NCOA1: variants seen among roughly 807,000 people sequenced by gnomAD.
The protein encoded by NCOA1 is Hin-2 protein.
A neutral mutation model predicts 150.9 loss-of-function variants in NCOA1; 35 were observed. The observed-to-expected ratio is 0.23, with a 90% CI of 0.18 to 0.31. The LOEUF is 0.31. Among genes scored for constraint, NCOA1 ranks in the 10% least tolerant of loss-of-function variants. NCOA1 has a pLI of 1.00. For missense variants in NCOA1, 1,491 were observed against 1,749.3 expected (o/e 0.85, Z 2.63); for synonymous variants, 590 against 630.0 (o/e 0.94, Z 0.95).
intron 5 of NCOA1, among the ~76,000 whole-genome samples, chr2:24,662,767 G>A (rs1671241181): frequency 6.6e-6 from 1 of 151,810 alleles, no homozygotes; most frequent in Non-Finnish European, 1.5e-5. Context: ...GTAAATGACA[G>A]GAAGTTTGGG....
At chr2:24,692,428 A>G (rs980029355) in intron 9 of NCOA1, among the ~76,000 whole-genome samples, 1 of 152,216 alleles carries the variant, frequency 6.6e-6, no homozygotes, top group Non-Finnish European at 1.5e-5. Flanking sequence ...TCAAAACAAA[A>G]CTTGGGAATG....
chr2:24,622,077 T>G (rs1669193016), intron 3 of NCOA1, among the ~76,000 whole-genome samples: 1 of 152,190 alleles, frequency 6.6e-6, no homozygotes, highest in Admixed American at 6.5e-5. Flanking sequence ...AAATAGATGA[T>G]GAACATAGGA....
intron 2 of NCOA1, among the ~76,000 whole-genome samples, chr2:24,574,879 A>G (rs953604000): frequency 1.3e-5 from 2 of 152,064 alleles, no homozygotes; most frequent in South Asian, 2.1e-4. Context: ...TCTGTACACA[A>G]TCTTTTTTCC....
At chr2:24,739,363 T>C in intron 17 of NCOA1, 69 bp from the exon 18 acceptor site, 2 of 1,093,898 alleles carry the variant, frequency 1.8e-6, no homozygotes, top group Non-Finnish European at 2.8e-6. Flanking sequence ...AGAAAGTTTG[T>C]GTTACTTTAT....
At chr2:24,763,082 T>C (rs942250305) in intron 22 of NCOA1, among the ~76,000 whole-genome samples, 12 of 152,272 alleles carry the variant, frequency 7.9e-5, no homozygotes, top group Admixed American at 5.9e-4. Context: ...AATTGTTATT[T>C]TGTAAATAAG....
At chr2:24,639,716 A>G (rs1049878864) in intron 3 of NCOA1, among the ~76,000 whole-genome samples, 1 of 151,218 alleles carries the variant, frequency 6.6e-6, no homozygotes, top group Non-Finnish European at 1.5e-5. Context: ...ATGAAACCCC[A>G]TCTCTACTAA....
At chr2:24,679,604 ATC>A (rs1361067128) in intron 7 of NCOA1, among the ~76,000 whole-genome samples, 7 of 152,312 alleles carry the variant, frequency 4.6e-5, no homozygotes, top group African/African-American at 1.4e-4. Flanking sequence ...TGAAAAATAA[ATC>A]TGTTTTTAAA....
chr2:24,681,994 G>C lies in NCOA1; in HGVS notation c.355-957G>C, dbSNP rs1040835749. The stretch of plus-strand genomic sequence containing the variant: ...CTCCCAAAATGCTGGGATTACAGGC[G>C]TGAGACACTGCGCCCGGCCCCGTGG... On this transcript the variant is annotated intron_variant, in intron 7 of 22. Coordinates refer to ENST00000348332, the MANE Select transcript of NCOA1 (RefSeq NM_003743.5). Among the ~76,000 whole-genome samples, 10 of 152,308 alleles carry C rather than the reference G, an allele frequency of 6.6e-5. No individual in the cohort carries two copies. The South Asian group carries it at 2.1e-3, about 32-fold the overall frequency.
chr2:24,735,886 A>G (rs983025519), intron 17 of NCOA1, among the ~76,000 whole-genome samples: 3 of 152,178 alleles, frequency 2.0e-5, no homozygotes, highest in Admixed American at 2.0e-4. Context: ...ATTTTGGGAA[A>G]AAGAACAACA....
intron 16 of NCOA1, 56 bp from the exon 17 acceptor site, chr2:24,729,445 A>G: frequency 6.8e-7 from 1 of 1,473,448 alleles, no homozygotes; most frequent in Admixed American, 1.8e-5. Context: ...ATACGGAAGC[A>G]TGTTACTTAT....
intron 3 of NCOA1, among the ~76,000 whole-genome samples, chr2:24,598,695 A>G (rs1184957323): frequency 6.6e-6 from 1 of 152,164 alleles, no homozygotes; most frequent in Non-Finnish European, 1.5e-5. Context: ...AACAAAAACA[A>G]AAAACTTCTA....
intron 1 of NCOA1, among the ~76,000 whole-genome samples, chr2:24,513,867 G>A (rs898776644): frequency 7.9e-5 from 12 of 152,076 alleles, no homozygotes; most frequent in African/African-American, 2.7e-4. Flanking sequence ...AGGAGGACTT[G>A]GTATGTGTAG....
At chr2:24,614,795 TTAAA>T (rs945695813) in intron 3 of NCOA1, among the ~76,000 whole-genome samples, 3 of 152,230 alleles carry the variant, frequency 2.0e-5, no homozygotes, top group African/African-American at 7.2e-5. Flanking sequence ...ACTTAGATAA[TTAAA>T]TAATAACAGC....
chr2:24,505,576 G>A (rs552531072), intron 1 of NCOA1, among the ~76,000 whole-genome samples: 18 of 152,314 alleles, frequency 1.2e-4, no homozygotes, highest in African/African-American at 4.1e-4. Context: ...GAGTTAAAAA[G>A]TGAAAGTCTC....
chr2:24,642,969 G>A (rs187085497), intron 3 of NCOA1, among the ~76,000 whole-genome samples: 29 of 152,294 alleles, frequency 1.9e-4, no homozygotes, highest in Admixed American at 5.9e-4. Flanking sequence ...TAAGGAAAGG[G>A]GAAGGTGGAT....
intron 5 of NCOA1, among the ~76,000 whole-genome samples, chr2:24,663,627 G>C (rs1479111576): frequency 2.0e-5 from 3 of 152,168 alleles, no homozygotes; most frequent in Non-Finnish European, 4.4e-5. Flanking sequence ...AGTTGACCCG[G>C]AGTAATAAAG....
chr2:24,514,434 GTATC>G (rs994912546), intron 1 of NCOA1, among the ~76,000 whole-genome samples: 8 of 151,862 alleles, frequency 5.3e-5, no homozygotes, highest in Admixed American at 5.2e-4. Flanking sequence ...AGTAAAGTGA[GTATC>G]TGGCAATTGT....
chr2:24,645,510 GAAA>G (rs397873594), intron 4 of NCOA1, among the ~76,000 whole-genome samples: 3 of 73,336 alleles, frequency 4.1e-5, no homozygotes, highest in Non-Finnish European at 7.6e-5. Context: ...ACTCCTCTCA[GAAA>G]AAAAAAAAAA....
In NCOA1 at chr2:24,725,714, CGTGTGTGTGT is replaced by C. The variant is rs57720230; in HGVS notation, c.2600-847_2600-838del. On this transcript the variant is annotated intron_variant, in intron 14 of 22. Transcript: ENST00000348332. ...CTACCTAAAGTGGACCTAAAGTGTG[CGTGTGTGTGT>C]GTGTGTGTGTGTGTGTGTGTGTGTG... Among the ~76,000 whole-genome samples, 1,035 of 148,884 alleles carry C rather than the reference CGTGTGTGTGT, an allele frequency of 7.0e-3. 10 individuals carry two copies. The highest frequency in any genetic ancestry group is 0.022 in the African/African-American group (862 of 39,806).
Sources: allele counts gnomAD v4.1 joint callset (sites outside exome capture counted in the v4.1 genomes callset), GRCh38; gene constraint gnomAD v4.1.1; transcripts MANE v1.5; gene names NCBI Gene and HGNC (gene_info 2026-07-23, HGNC 2026-07-21).